BABAM2: variants seen among roughly 807,000 people sequenced by gnomAD.
The protein encoded by BABAM2 is BRISC and BRCA1 A complex member 2.
In BABAM2, 31 loss-of-function variants were observed where a neutral mutation model predicts 54.7. That is an observed-to-expected ratio of 0.57 (90% CI 0.43 to 0.77). The LOEUF (loss-of-function observed/expected upper bound fraction) is 0.77. BABAM2 is among the 30% of genes least tolerant of loss of function. The probability of loss-of-function intolerance (pLI) is 0.00; values close to 1 mark genes in which losing one functional copy is unlikely to be tolerated. For synonymous variants in BABAM2, 167 were observed against 162.9 expected, an observed-to-expected ratio of 1.03 and a Z score of -0.19; for missense variants, 364 against 455.8, an observed-to-expected ratio of 0.80 and a Z score of 1.83.
intron 11 of BABAM2, among the ~76,000 whole-genome samples, chr2:28,320,650 G>C (rs1689953097): frequency 1.3e-5 from 2 of 152,248 alleles, no homozygotes; most frequent in Admixed American, 1.3e-4. Flanking sequence ...GCATCACTCA[G>C]CGGGGTGCCT....
In BABAM2 at chr2:28,045,763, C is replaced by T. The variant is rs185398532; in HGVS notation, c.534C>T (p.Pro178=). 42 of 1,611,058 alleles carry T rather than the reference C, an allele frequency of 2.6e-5. No individual in the cohort carries two copies. The highest frequency in any genetic ancestry group is 3.3e-4 in the Middle Eastern group (2 of 6,030). The change falls in exon 6 of 12, where the codon CCC becomes CCT. Residue 178 remains proline, a synonymous_variant. Coordinates refer to ENST00000379624, the MANE Select transcript of BABAM2 (RefSeq NM_199191.3). ...CAGCTCGTTTCCTTTTGAAGCTGCC[C>T]GTAGATTTCAGCAATATCCCCACAT... ...EFSARFLLKL[P]VDFSNIPTYL...
chr2:28,183,447 A>G (rs1209236844), intron 7 of BABAM2, among the ~76,000 whole-genome samples: 1 of 152,200 alleles, frequency 6.6e-6, no homozygotes, highest in Non-Finnish European at 1.5e-5. Context: ...TCTCCAAAAA[A>G]AAATTTACAA....
intron 10 of BABAM2, among the ~76,000 whole-genome samples, chr2:28,295,416 C>T (rs761813115): frequency 6.6e-6 from 1 of 152,008 alleles, no homozygotes; most frequent in East Asian, 1.9e-4. Context: ...GTAATGATTG[C>T]TTTGGAGGTT....
intron 7 of BABAM2, among the ~76,000 whole-genome samples, chr2:28,231,724 T>C (rs1681404906): frequency 6.8e-6 from 1 of 146,470 alleles, no homozygotes; most frequent in African/African-American, 2.7e-5. Flanking sequence ...CTTGGTGCTA[T>C]TTTTGTGTTA....
At chr2:27,981,377 A>G (rs1483705690) in intron 3 of BABAM2, among the ~76,000 whole-genome samples, 1 of 152,200 alleles carries the variant, frequency 6.6e-6, no homozygotes, top group Non-Finnish European at 1.5e-5. Context: ...CATACCGTGC[A>G]GTTTACCCTC....
chr2:28,219,738 G>A (rs1680226619), intron 7 of BABAM2, among the ~76,000 whole-genome samples: 1 of 152,246 alleles, frequency 6.6e-6, no homozygotes, highest in South Asian at 2.1e-4. Flanking sequence ...AAAAGAAATA[G>A]GCTTGTAATC....
chr2:28,235,982 T>C (rs1379183571), intron 7 of BABAM2, among the ~76,000 whole-genome samples: 1 of 152,156 alleles, frequency 6.6e-6, no homozygotes, highest in Non-Finnish European at 1.5e-5. Context: ...TTAGAAATGA[T>C]TTTCTAGGCA....
At chr2:28,283,011 A>AGG (rs1686501394) in intron 10 of BABAM2, among the ~76,000 whole-genome samples, 1 of 60,294 alleles carries the variant, frequency 1.7e-5, no homozygotes, top group Admixed American at 1.5e-4. Context: ...AAAAAAAAAA[A>AGG]AAAAAAAGGA....
intron 4 of BABAM2, among the ~76,000 whole-genome samples, chr2:27,998,315 A>T (rs10196483): frequency 0.74 from 111,982 of 151,426 alleles, 42,411 homozygotes; most frequent in Middle Eastern, 0.89. Flanking sequence ...TATTAATAAT[A>T]ATTATTATTA....
At chr2:28,336,593 A>G (rs1365504356) in intron 11 of BABAM2, among the ~76,000 whole-genome samples, 1 of 152,176 alleles carries the variant, frequency 6.6e-6, no homozygotes, top group East Asian at 1.9e-4. Context: ...CAGCTGTGGC[A>G]CCACATGTCA....
intron 4 of BABAM2, among the ~76,000 whole-genome samples, chr2:28,019,953 C>T (rs773899701): frequency 9.9e-5 from 15 of 152,004 alleles, no homozygotes; most frequent in Non-Finnish European, 1.8e-4. Context: ...GTTCTTTTTG[C>T]TTAGTAAGAC....
At chr2:27,890,690 G>C (rs1300161086), upstream of BABAM2, 1 of 179,320 alleles carries the variant, frequency 5.6e-6, no homozygotes, top group Non-Finnish European at 1.2e-5. The surrounding 1 kb of genome is among the most constrained non-coding windows in gnomAD (Gnocchi z 4.8). Context: ...ACGCCGCCCA[G>C]CTTCGGGGCC....
chr2:28,130,104 G>C (rs1046416444), intron 7 of BABAM2, among the ~76,000 whole-genome samples: 8 of 152,108 alleles, frequency 5.3e-5, no homozygotes, highest in African/African-American at 1.9e-4. Context: ...ACTTCTGACA[G>C]GACAGATTTT....
intron 5 of BABAM2, among the ~76,000 whole-genome samples, chr2:28,039,438 A>G (rs1196620729): frequency 6.6e-6 from 1 of 152,270 alleles, no homozygotes; most frequent in Non-Finnish European, 1.5e-5. Flanking sequence ...TGCATGTGCT[A>G]AGGAACAATC....
chr2:27,955,890 A>G (rs868777193), intron 3 of BABAM2, among the ~76,000 whole-genome samples: 3 of 152,122 alleles, frequency 2.0e-5, no homozygotes, highest in African/African-American at 7.2e-5. Context: ...CTGATTTCTC[A>G]TTCCATAATG....
At chr2:28,255,425 C>A (rs968202159) in intron 10 of BABAM2, among the ~76,000 whole-genome samples, 9 of 152,044 alleles carry the variant, frequency 5.9e-5, no homozygotes, top group Non-Finnish European at 1.0e-4. Context: ...AGACATGCAC[C>A]GTCATGCCCG....
intron 6 of BABAM2, among the ~76,000 whole-genome samples, chr2:28,092,628 G>A (rs1296526197): frequency 6.6e-6 from 1 of 152,126 alleles, no homozygotes; most frequent in Non-Finnish European, 1.5e-5. Flanking sequence ...AGCCCCCCAG[G>A]ATGCTTTGAA....
At chr2:28,077,993 A>C (rs911276551) in intron 6 of BABAM2, among the ~76,000 whole-genome samples, 2 of 152,212 alleles carry the variant, frequency 1.3e-5, no homozygotes, top group Admixed American at 1.3e-4. Context: ...GATTTCAGTT[A>C]CCTGGGTCAA....
chr2:28,042,304 A>G (rs1050779901), intron 5 of BABAM2, among the ~76,000 whole-genome samples: 3 of 152,216 alleles, frequency 2.0e-5, no homozygotes, highest in African/African-American at 7.2e-5. Context: ...ATCAGCATAT[A>G]CATTATTTAA....
Sources: allele counts gnomAD v4.1 joint callset (sites outside exome capture counted in the v4.1 genomes callset), GRCh38; gene constraint gnomAD v4.1.1; non-coding constraint Gnocchi (gnomAD v3.1); transcripts MANE v1.5; gene names NCBI Gene and HGNC (gene_info 2026-07-23, HGNC 2026-07-21).